Variants in KCNIP4 observed in about 807,000 individuals in gnomAD.
KCNIP4 encodes potassium voltage-gated channel interacting protein 4.
A neutral mutation model predicts 34.0 loss-of-function variants in KCNIP4; 12 were observed. The observed-to-expected ratio is 0.35, with a 90% CI of 0.23 to 0.57. The LOEUF (loss-of-function observed/expected upper bound fraction) is 0.57. Among genes scored for constraint, KCNIP4 ranks in the 20% least tolerant of loss-of-function variants. The probability of loss-of-function intolerance (pLI) is 0.83; values close to 1 mark genes in which losing one functional copy is unlikely to be tolerated. For missense variants in KCNIP4, 238 were observed against 311.7 expected (o/e 0.76, Z 1.78); for synonymous variants, 124 against 102.2 (o/e 1.21, Z -1.29).
intron 7 of KCNIP4, 33 bp from the exon 8 acceptor site, chr4:20,732,101 A>G (rs374008867): frequency 1.1e-4 from 163 of 1,474,208 alleles, no homozygotes; most frequent in Non-Finnish European, 9.5e-6. Context: ...TTGTATTTAG[A>G]CTTATCCCTT....
At chr4:21,181,245 T>C (rs970771188) in intron 1 of KCNIP4, among the ~76,000 whole-genome samples, 1 of 152,138 alleles carries the variant, frequency 6.6e-6, no homozygotes, top group Non-Finnish European at 1.5e-5. Flanking sequence ...AGTTTTTTTT[T>C]CCCACTTAAT....
chr4:21,926,561 C>A (rs908268357), intron 1 of KCNIP4, among the ~76,000 whole-genome samples: 3 of 152,100 alleles, frequency 2.0e-5, no homozygotes, highest in African/African-American at 7.2e-5. Context: ...AGGCACTTTA[C>A]AGTTGCCAGT....
chr4:21,629,986 G>C (rs1331194364), intron 1 of KCNIP4, among the ~76,000 whole-genome samples: 3 of 148,004 alleles, frequency 2.0e-5, no homozygotes, highest in Non-Finnish European at 4.5e-5. Flanking sequence ...TACTAGCTGA[G>C]ACCATAGGCA....
intron 1 of KCNIP4, among the ~76,000 whole-genome samples, chr4:21,107,963 A>C (rs971401243): frequency 1.1e-4 from 17 of 151,450 alleles, no homozygotes; most frequent in African/African-American, 4.2e-4. Flanking sequence ...TTCTGCCGAG[A>C]AATCTGCTGT....
chr4:21,691,998 A>G (rs1052030558), intron 1 of KCNIP4, among the ~76,000 whole-genome samples: 2 of 151,948 alleles, frequency 1.3e-5, no homozygotes, highest in African/African-American at 4.8e-5. Context: ...GCACCAGGCC[A>G]AATGCAACTC....
intron 1 of KCNIP4, among the ~76,000 whole-genome samples, chr4:20,890,909 G>C (rs993938903): frequency 1.3e-5 from 2 of 152,074 alleles, no homozygotes; most frequent in African/African-American, 4.8e-5. Flanking sequence ...CTCAGTGGTG[G>C]CATATGCAAG....
chr4:21,317,631 G>T (rs1398062278), intron 1 of KCNIP4, among the ~76,000 whole-genome samples: 6 of 152,146 alleles, frequency 3.9e-5, no homozygotes, highest in Non-Finnish European at 4.4e-5. Context: ...TGGTTATAAT[G>T]GTGCTGGCCT....
At chr4:21,721,679 A>G (rs1169343911) in intron 1 of KCNIP4, among the ~76,000 whole-genome samples, 8 of 152,150 alleles carry the variant, frequency 5.3e-5, no homozygotes, top group Non-Finnish European at 1.2e-4. Flanking sequence ...ATCAAACACT[A>G]TTTGGTTTTC....
At chr4:21,505,184 A>G (rs1733730794) in intron 1 of KCNIP4, among the ~76,000 whole-genome samples, 1 of 151,984 alleles carries the variant, frequency 6.6e-6, no homozygotes, top group Admixed American at 6.6e-5. Flanking sequence ...TTAGAGAGAC[A>G]TGTTCTTGAA....
intron 2 of KCNIP4, among the ~76,000 whole-genome samples, chr4:20,873,677 C>A (rs1490277143): frequency 6.6e-6 from 1 of 152,174 alleles, no homozygotes; most frequent in Non-Finnish European, 1.5e-5. Context: ...ATCTAGCTCC[C>A]TCTACTCTTG....
chr4:21,502,936 T>C (rs1262106346), intron 1 of KCNIP4, among the ~76,000 whole-genome samples: 2 of 152,182 alleles, frequency 1.3e-5, no homozygotes, highest in African/African-American at 4.8e-5. Flanking sequence ...CCAGTTCTTC[T>C]GGATAAACAC....
chr4:21,077,816 ACT>A (rs1275777480), intron 1 of KCNIP4, among the ~76,000 whole-genome samples: 1 of 151,964 alleles, frequency 6.6e-6, no homozygotes, highest in African/African-American at 2.4e-5. Flanking sequence ...TTATTATAAA[ACT>A]CATCTTTTTG....
At chr4:20,940,749 C>T (rs73242584) in intron 1 of KCNIP4, among the ~76,000 whole-genome samples, 7,790 of 152,250 alleles carry the variant, frequency 0.051, 203 homozygotes, top group Middle Eastern at 0.1. Flanking sequence ...GATAATTATT[C>T]TTATCATTAC....
At chr4:21,833,277 G>A (rs931608866) in intron 1 of KCNIP4, among the ~76,000 whole-genome samples, 6 of 151,798 alleles carry the variant, frequency 4.0e-5, no homozygotes, top group African/African-American at 7.3e-5. Flanking sequence ...TTTAATGATT[G>A]CCATTCTAAC....
In KCNIP4 at chr4:20,908,221, T is replaced by A. The variant is rs1433067238; in HGVS notation, c.62-25512A>T. ...TTCAAGCGATTCTCCTGCCTCAGCCTCCTGAGTAGCTGCGATTACAGGTGC... is the reference window on the plus strand; with the variant it reads ...TTCAAGCGATTCTCCTGCCTCAGCCACCTGAGTAGCTGCGATTACAGGTGC... On this transcript the variant is annotated intron_variant, in intron 1 of 8. Transcript: ENST00000382152. Among the ~76,000 whole-genome samples the A allele has an allele frequency of 1.8e-4, 27 of 151,210 alleles. No homozygotes were observed. The Admixed American group carries it at 1.8e-3, about 10-fold the overall frequency.
rs531735908 is a variant in KCNIP4, at chr4:20,897,626, C to T, written c.62-14917G>A. On this transcript the variant is annotated intron_variant, in intron 1 of 8. Transcript: ENST00000382152. ...TTAAAATGAGGCCATTAGAGTGGGG[C>T]CCTGATCCAATATGATTGGTGTCCT... 4.6e-5 allele frequency among the ~76,000 whole-genome samples: 7 copies of T among 151,856 alleles called. No individual in the cohort carries two copies. The South Asian group carries it at 1.5e-3, about 32-fold the overall frequency.
intron 1 of KCNIP4, among the ~76,000 whole-genome samples, chr4:21,034,178 A>T (rs990081312): frequency 1.3e-5 from 2 of 152,222 alleles, no homozygotes; most frequent in Non-Finnish European, 2.9e-5. Context: ...TCTCATTATT[A>T]GGATTCAGTG....
Position 21,383,615 on chromosome 4 carries a change from G to A in KCNIP4, c.62-500906C>T, listed in dbSNP as rs549975914. On this transcript the variant is annotated intron_variant, in intron 1 of 8. Coordinates refer to ENST00000382152, the MANE Select transcript of KCNIP4 (RefSeq NM_025221.6). ...TGAGGATCTGGATACTTTGCATGGA[G>A]GGGATCACTAAGTGAGTATTTGCTG... Among the ~76,000 whole-genome samples, 20 of 152,120 alleles carry A rather than the reference G, an allele frequency of 1.3e-4. No homozygotes were observed. The South Asian group carries it at 3.5e-3, about 27-fold the overall frequency.
At chr4:21,935,595 T>C (rs1578161063) in intron 1 of KCNIP4, among the ~76,000 whole-genome samples, 1 of 152,030 alleles carries the variant, frequency 6.6e-6, no homozygotes, top group East Asian at 1.9e-4. Flanking sequence ...TGACCTCCTG[T>C]TCCCTTCTAC....
Sources: gnomAD v4.1 joint callset for allele counts (sites outside exome capture counted in the v4.1 genomes callset) on GRCh38, gnomAD v4.1.1 for gene constraint, MANE v1.5 for transcripts, NCBI Gene and HGNC (gene_info 2026-07-23, HGNC 2026-07-21) for gene names.